The following RHOH variants were observed in gnomAD, a reference collection of about 807,000 sequenced individuals.
RHOH encodes ras homolog family member H, also known as rho-related GTP-binding protein RhoH.
In RHOH, 6 loss-of-function variants were observed where a neutral mutation model predicts 13.8. The observed-to-expected ratio is 0.44, with a 90% CI of 0.24 to 0.86. The LOEUF (loss-of-function observed/expected upper bound fraction) is 0.86. RHOH is among the 40% of genes least tolerant of loss of function. RHOH has a pLI of 0.24. For missense variants in RHOH, 147 were observed against 244.5 expected, an observed-to-expected ratio of 0.60 and a Z score of 2.66; for synonymous variants, 117 against 103.0, an observed-to-expected ratio of 1.14 and a Z score of -0.82.
At chr4:40,238,720 A>G (rs1378908158) in intron 1 of RHOH, among the ~76,000 whole-genome samples, 1 of 152,174 alleles carries the variant, frequency 6.6e-6, no homozygotes, top group African/African-American at 2.4e-5. Context: ...AAAGCCTGAG[A>G]AGAACGGCCT....
intron 1 of RHOH, among the ~76,000 whole-genome samples, chr4:40,207,036 G>A (rs1371386768): frequency 2.6e-5 from 4 of 151,970 alleles, no homozygotes; most frequent in African/African-American, 4.8e-5. Context: ...GTGAAACCCC[G>A]TCTCTTCTAA....
chr4:40,199,394 A>G (rs1326306691), intron 1 of RHOH, among the ~76,000 whole-genome samples: 1 of 152,200 alleles, frequency 6.6e-6, no homozygotes, highest in African/African-American at 2.4e-5. Context: ...TGACAGGTGG[A>G]GGCTGGGAAT....
chr4:40,225,243 C>T (rs1044457244), intron 1 of RHOH, among the ~76,000 whole-genome samples: 2 of 152,158 alleles, frequency 1.3e-5, no homozygotes, highest in Admixed American at 1.3e-4. Flanking sequence ...TCCCAAGTAG[C>T]TGGACTTACA....
intron 1 of RHOH, among the ~76,000 whole-genome samples, chr4:40,197,842 C>T (rs1723404911): frequency 6.6e-6 from 1 of 152,218 alleles, no homozygotes; most frequent in Admixed American, 6.5e-5. Context: ...AATCTTTCTT[C>T]TGAGGTGGTT....
intron 1 of RHOH, among the ~76,000 whole-genome samples, chr4:40,213,761 T>A (rs1340698725): frequency 1.3e-5 from 2 of 152,010 alleles, no homozygotes; most frequent in African/African-American, 4.8e-5. Context: ...TTTTTAAAAA[T>A]TTTTCTTTTT....
Position 40,244,515 on chromosome 4 carries a change from A to G in RHOH, c.*553A>G, listed in dbSNP as rs1729631144. ...TAATCAAATTTAAAAATGACCATAA[A>G]TGAATCTTTGCAATTTGTTTTCTAC... On this transcript the variant is annotated 3_prime_UTR_variant, in exon 3 of 3. Coordinates refer to ENST00000381799, the MANE Select transcript of RHOH (RefSeq NM_004310.5). 4.8e-6 allele frequency: 1 copy of G among 209,624 alleles called. No individual in the cohort carries two copies. The highest frequency in any genetic ancestry group is 6.1e-5 in the Admixed American group (1 of 16,448). 13.0% of individuals were successfully genotyped at this position (209,624 alleles called of 1,614,324 possible).
intron 1 of RHOH, among the ~76,000 whole-genome samples, chr4:40,197,776 T>A (rs552770092): frequency 6.6e-6 from 1 of 152,376 alleles, no homozygotes; most frequent in African/African-American, 2.4e-5. Flanking sequence ...CCAATGTTAA[T>A]GACCATTTCC....
chr4:40,224,692 G>A (rs1319709647), intron 1 of RHOH, among the ~76,000 whole-genome samples: 1 of 152,244 alleles, frequency 6.6e-6, no homozygotes, highest in Non-Finnish European at 1.5e-5. Flanking sequence ...CTATGGCACA[G>A]CATAGTCCTG....
chr4:40,209,599 C>A (rs1178374845), intron 1 of RHOH: 1 of 152,202 alleles, frequency 6.6e-6, no homozygotes, highest in Admixed American at 6.5e-5. Context: ...GAATGCACCA[C>A]CATGCCGGCT....
At chr4:40,232,810 C>A (rs548993600) in intron 1 of RHOH, among the ~76,000 whole-genome samples, 11 of 152,288 alleles carry the variant, frequency 7.2e-5, no homozygotes, top group Admixed American at 6.5e-4. Flanking sequence ...TGCCCCTGGG[C>A]CTTTGCACAT....
rs144472034 is a variant in RHOH, at chr4:40,231,054, C to T, written c.-330-11660C>T. Among the ~76,000 whole-genome samples, 1,466 of 152,258 alleles carry T rather than the reference C, an allele frequency of 9.6e-3. 16 individuals are homozygous for T. Among genetic ancestry groups the T allele is most frequent in the African/African-American group, 0.034 (1,394 of 41,530 alleles). ...CGTATCGTGGACACATTTTTAAATG[C>T]ACTTAAGCAAGGAGAAGAAAATGGG... is the stretch of plus-strand genomic sequence containing the variant. On this transcript the variant is annotated intron_variant, in intron 1 of 2. Coordinates refer to ENST00000381799, the MANE Select transcript of RHOH (RefSeq NM_004310.5).
Position 40,243,762 on chromosome 4 carries a change from C to T in RHOH, c.376C>T (p.His126Tyr), listed in dbSNP as rs1215243025. 1 of 1,614,080 alleles carries T rather than the reference C, an allele frequency of 6.2e-7. No individual in the cohort carries two copies. The highest frequency in any genetic ancestry group is 8.5e-7 in the Non-Finnish European group (1 of 1,180,018). ...TQTDQREMGP[H>Y]RASCVNAMEG... Reference sequence around the variant, plus strand: ...GACTGACCAGCGGGAGATGGGGCCCCACAGGGCCTCCTGCGTCAATGCCAT... The same window carrying T: ...GACTGACCAGCGGGAGATGGGGCCCTACAGGGCCTCCTGCGTCAATGCCAT... Residue 126 changes from histidine (H) to tyrosine (Y), a missense_variant, in exon 3 of 3, where the codon CAC becomes TAC. His to Tyr is a moderately conservative substitution (Grantham distance 83, BLOSUM62 2). Coordinates refer to ENST00000381799, the MANE Select transcript of RHOH (RefSeq NM_004310.5). The surrounding 1 kb of genome is among the most constrained non-coding windows in gnomAD (Gnocchi z 6.2).
At chr4:40,224,282 T>C (rs1292594125) in intron 1 of RHOH, among the ~76,000 whole-genome samples, 8 of 152,344 alleles carry the variant, frequency 5.3e-5, no homozygotes, top group Middle Eastern at 3.4e-3. Flanking sequence ...ATAATTAATT[T>C]AACCCCTGCG....
At position 40,243,588 on chromosome 4, in the gene RHOH, A is replaced by G. The variant is rs200579964; in HGVS notation, c.202A>G (p.Ile68Val). 252 of 1,614,168 alleles carry G rather than the reference A, an allele frequency of 1.6e-4. 1 individual carries two copies. Among genetic ancestry groups the G allele is most frequent in the Non-Finnish European group, 1.1e-4 (135 of 1,180,028 alleles). ...DTAGNDAFRS[I>V]RPLSYQQADV... is the part of the protein sequence containing the mutation. The stretch of plus-strand genomic sequence containing the variant: ...AGCCGGCAATGACGCCTTCAGAAGC[A>G]TCCGGCCCCTGTCCTACCAGCAGGC... Residue 68 changes from isoleucine to valine, a missense_variant, in exon 3 of 3, where the codon ATC (isoleucine) becomes GTC (valine). Ile to Val is a conservative substitution (Grantham distance 29, BLOSUM62 3). Transcript: ENST00000381799. This position sits in a 1 kb window ranked among gnomAD's most constrained non-coding sequence, Gnocchi z 6.2.
In RHOH at chr4:40,216,493, A is replaced by T. The variant is rs550837477; in HGVS notation, c.-331+19193A>T. Among the ~76,000 whole-genome samples, 3 of 152,270 alleles carry T rather than the reference A, an allele frequency of 2.0e-5. No homozygotes were observed. In the South Asian group the frequency reaches 6.2e-4, roughly 32 times the overall value. ...CAATAAAAAAAAAGAAACAAAAAAT[A>T]AAAACATAAGGACTTTTGACAAAAA... On this transcript the variant is annotated intron_variant, in intron 1 of 2. Transcript: ENST00000381799.
chr4:40,245,538 C>CA lies in RHOH; in HGVS notation c.*1590dup, dbSNP rs397967739. 0.025 allele frequency: 2,402 copies of CA among 96,594 alleles called. 75 individuals are homozygous for CA. The highest frequency in any genetic ancestry group is 0.076 in the African/African-American group (2,061 of 27,108). 6.0% of individuals were successfully genotyped at this position (96,594 alleles called of 1,614,324 possible). ...TGGGCAACAGAGGGAGACTCCATCT[C>CA]AAAAAAAAAAAAAAGAAAAGAAAAA... On this transcript the variant is annotated 3_prime_UTR_variant, in exon 3 of 3. Transcript: ENST00000381799.
At chr4:40,209,174 G>A (rs1431181496) in intron 1 of RHOH, among the ~76,000 whole-genome samples, 1 of 152,070 alleles carries the variant, frequency 6.6e-6, no homozygotes. Context: ...TGCTTTGAAA[G>A]CCCTAAGTCT....
At chr4:40,214,098 G>C (rs1237182211) in intron 1 of RHOH, among the ~76,000 whole-genome samples, 1 of 152,206 alleles carries the variant, frequency 6.6e-6, no homozygotes, top group Non-Finnish European at 1.5e-5. Flanking sequence ...GAAGCATACA[G>C]TACTGTGAAG....
At position 40,243,888 on chromosome 4, in the gene RHOH, C is replaced by T. The variant is rs1416692929; in HGVS notation, c.502C>T (p.Arg168Ter). The change falls in exon 3 of 3, where the codon CGA becomes TGA. Residue 168 changes from arginine to a stop codon, truncating the protein, a stop_gained. Coordinates refer to ENST00000381799, the MANE Select transcript of RHOH (RefSeq NM_004310.5). LOFTEE classifies it high-confidence loss of function. This position sits in a 1 kb window ranked among gnomAD's most constrained non-coding sequence, Gnocchi z 6.2. ...ACAGCAGGTGTTTGAGTGCGCCGTCCGAACTGCCGTCAACCAGGCCAGGAG... is the reference window on the plus strand; with the variant it reads ...ACAGCAGGTGTTTGAGTGCGCCGTCTGAACTGCCGTCAACCAGGCCAGGAG... ...GVQQVFECAV[R>*]TAVNQARRRN... The T allele has an allele frequency of 6.2e-6, 10 of 1,614,154 alleles. No individual in the cohort carries two copies. Among genetic ancestry groups the T allele is most frequent in the South Asian group, 1.1e-5 (1 of 91,084 alleles).
Sources: gnomAD v4.1 joint callset for allele counts (sites outside exome capture counted in the v4.1 genomes callset) on GRCh38, gnomAD v4.1.1 for gene constraint, Gnocchi (gnomAD v3.1) non-coding constraint, MANE v1.5 for transcripts, NCBI Gene and HGNC (gene_info 2026-07-23, HGNC 2026-07-21) for gene names.